Variants in EPB41L5 observed in about 807,000 individuals in gnomAD.
EPB41L5 encodes erythrocyte membrane protein band 4.1 like 5, also known as band 4.1-like protein 5.
In EPB41L5, 55 loss-of-function variants were observed where a neutral mutation model predicts 106.6. The ratio of observed to expected loss-of-function variants is 0.52; its 90% confidence interval spans 0.42 to 0.65. The LOEUF is 0.65. EPB41L5 is among the 30% of genes least tolerant of loss of function. The pLI, the probability that EPB41L5 is intolerant of heterozygous loss-of-function variation, is 0.00. For synonymous variants in EPB41L5, 297 were observed against 306.7 expected, an observed-to-expected ratio of 0.97 and a Z score of 0.33; for missense variants, 871 against 882.1, an observed-to-expected ratio of 0.99 and a Z score of 0.16.
At chr2:120,156,538 C>G (rs1686908755) in intron 20 of EPB41L5, among the ~76,000 whole-genome samples, 1 of 152,196 alleles carries the variant, frequency 6.6e-6, no homozygotes, top group African/African-American at 2.4e-5. Context: ...GCATGTCTCT[C>G]CCGTGTCCCA....
In EPB41L5 at chr2:120,100,692, T is replaced by A. The variant is rs370601809; in HGVS notation, c.1222-7T>A. On this transcript the variant is annotated splice_region_variant and splice_polypyrimidine_tract_variant and intron_variant, in intron 15 of 24. Coordinates refer to ENST00000263713, the MANE Select transcript of EPB41L5 (RefSeq NM_020909.4). ...AAATAGATAATTTTTATAATTTTTG[T>A]CCAAAGGCTTGGGGGATGAGATCTG... 7 of 1,607,540 alleles carry A rather than the reference T, an allele frequency of 4.4e-6. No individual in the cohort carries two copies. The African/African-American group carries it at 9.4e-5, about 22-fold the overall frequency.
At chr2:120,036,764 T>C (rs182525890) in intron 2 of EPB41L5, among the ~76,000 whole-genome samples, 1 of 152,260 alleles carries the variant, frequency 6.6e-6, no homozygotes, top group Admixed American at 6.5e-5. Context: ...GGGATGAAAT[T>C]AGGATCAGTT....
Position 120,171,539 on chromosome 2 carries a change from C to T in EPB41L5, c.2136-3302C>T, listed in dbSNP as rs530386720. ...CACGGGAAGACTAACTCAAAGTCCACACACTGAAGGGTGAAATTTCCAACG... is the reference window on the plus strand; with the variant it reads ...CACGGGAAGACTAACTCAAAGTCCATACACTGAAGGGTGAAATTTCCAACG... On this transcript the variant is annotated intron_variant, in intron 24 of 24. Transcript: ENST00000263713. Among the ~76,000 whole-genome samples the T allele has an allele frequency of 3.9e-5, 6 of 152,348 alleles. 1 individual carries two copies. In the South Asian group the frequency reaches 1.2e-3, roughly 32 times the overall value.
intron 7 of EPB41L5, among the ~76,000 whole-genome samples, chr2:120,076,498 G>A (rs1256540662): frequency 2.0e-5 from 1 of 49,186 alleles, no homozygotes; most frequent in Non-Finnish European, 4.1e-5. Flanking sequence ...TTTTTTTTTA[G>A]AGACGAGGTC....
intron 16 of EPB41L5, chr2:120,106,541 G>A: frequency 2.0e-6 from 2 of 985,400 alleles, no homozygotes; most frequent in African/African-American, 3.5e-5. Context: ...ATAACCTCCA[G>A]AAGCACCTTA....
At chr2:120,061,444 C>T (rs575186125) in intron 3 of EPB41L5, among the ~76,000 whole-genome samples, 5 of 151,738 alleles carry the variant, frequency 3.3e-5, no homozygotes, top group East Asian at 2.0e-4. Context: ...GGGATGGTCT[C>T]GATCTCCTGA....
At chr2:120,068,758 C>CA (rs1235418246) in intron 3 of EPB41L5, among the ~76,000 whole-genome samples, 1 of 151,964 alleles carries the variant, frequency 6.6e-6, no homozygotes. Context: ...AGACCCATCT[C>CA]ACGGACAAAG....
At chr2:120,025,917 T>C (rs147770681) in intron 2 of EPB41L5, among the ~76,000 whole-genome samples, 4 of 152,346 alleles carry the variant, frequency 2.6e-5, no homozygotes, top group African/African-American at 9.6e-5. Flanking sequence ...GGTGTGCGAC[T>C]GGCACAAGGA....
In EPB41L5 at chr2:120,118,187, A is replaced by T. The variant is rs943415562; in HGVS notation, c.1338-9501A>T. On this transcript the variant is annotated intron_variant, in intron 16 of 24. Coordinates refer to ENST00000263713, the MANE Select transcript of EPB41L5 (RefSeq NM_020909.4). The stretch of plus-strand genomic sequence containing the variant: ...TCCATTTTGAAACTTGGTTTAAGAT[A>T]GGAGTAATGAAATCTAATTTTGTTA... Among the ~76,000 whole-genome samples the T allele has an allele frequency of 2.6e-5, 4 of 152,350 alleles. 1 individual carries two copies. Among genetic ancestry groups the T allele is most frequent in the Middle Eastern group, 3.4e-3 (1 of 294 alleles).
At chr2:120,173,918 CAGT>C (rs796272836) in intron 24 of EPB41L5, among the ~76,000 whole-genome samples, 62 of 152,338 alleles carry the variant, frequency 4.1e-4, no homozygotes, top group African/African-American at 1.4e-3. Context: ...CTCCTGGTCT[CAGT>C]GGATTCTCCC....
chr2:120,132,552 A>G (rs1685748688), intron 18 of EPB41L5, among the ~76,000 whole-genome samples: 2 of 152,148 alleles, frequency 1.3e-5, no homozygotes, highest in Non-Finnish European at 2.9e-5. Context: ...TATGATTCAA[A>G]CTGTCTTTCG....
intron 3 of EPB41L5, among the ~76,000 whole-genome samples, chr2:120,055,481 ATTTTTTTT>A (rs34856540): frequency 1.2e-5 from 1 of 85,552 alleles, no homozygotes; most frequent in Admixed American, 1.5e-4. Flanking sequence ...TAGGTTTTTA[ATTTTTTTT>A]TTTTTTTTTT....
chr2:120,152,026 T>C (rs541041856), intron 20 of EPB41L5, among the ~76,000 whole-genome samples: 1 of 152,222 alleles, frequency 6.6e-6, no homozygotes, highest in African/African-American at 2.4e-5. Context: ...TTCTTTTTCT[T>C]ACCTGATTGC....
chr2:120,040,163 G>T (rs1217948682), intron 2 of EPB41L5, among the ~76,000 whole-genome samples: 1 of 151,888 alleles, frequency 6.6e-6, no homozygotes, highest in African/African-American at 2.4e-5. Context: ...AATGACAAAG[G>T]AGAAATATTT....
chr2:120,022,806 A>G (rs1192184454), intron 2 of EPB41L5, among the ~76,000 whole-genome samples: 4 of 152,196 alleles, frequency 2.6e-5, no homozygotes, highest in Non-Finnish European at 5.9e-5. Context: ...CTAACAGTGT[A>G]AAAGCATTCC....
rs374057801 is a variant in EPB41L5 at position 120,038,458 on chromosome 2, A to G, written c.181-3548A>G. On this transcript the variant is annotated intron_variant, in intron 2 of 24. Coordinates refer to ENST00000263713, the MANE Select transcript of EPB41L5 (RefSeq NM_020909.4). ...TAAAATAGTGTTGCTGCTGTAGAAA[A>G]CAGTTTGACAGTTTCTCAAAAAGTT... Among the ~76,000 whole-genome samples, 8 of 152,314 alleles carry G rather than the reference A, an allele frequency of 5.3e-5. No individual in the cohort carries two copies. In the East Asian group the frequency reaches 9.6e-4, roughly 18 times the overall value.
intron 2 of EPB41L5, among the ~76,000 whole-genome samples, chr2:120,026,399 C>T (rs953640242): frequency 6.6e-6 from 1 of 152,056 alleles, no homozygotes; most frequent in African/African-American, 2.4e-5. Context: ...TACGGAGTCT[C>T]ACTCTATTGC....
intron 3 of EPB41L5, among the ~76,000 whole-genome samples, chr2:120,063,609 A>G (rs1023380002): frequency 6.6e-6 from 1 of 152,072 alleles, no homozygotes; most frequent in Non-Finnish European, 1.5e-5. Flanking sequence ...TTACCTGTAT[A>G]ACAAACCTGC....
intron 3 of EPB41L5, among the ~76,000 whole-genome samples, chr2:120,067,150 G>A (rs557851230): frequency 7.9e-5 from 12 of 152,268 alleles, no homozygotes; most frequent in South Asian, 2.1e-4. Flanking sequence ...ACAGTAGCCC[G>A]CGCACTTGAA....
Sources: allele counts gnomAD v4.1 joint callset (sites outside exome capture counted in the v4.1 genomes callset), GRCh38; gene constraint gnomAD v4.1.1; transcripts MANE v1.5; gene names NCBI Gene and HGNC (gene_info 2026-07-23, HGNC 2026-07-21).